Variants in SSC4D observed in about 807,000 individuals in gnomAD.
The protein encoded by SSC4D is scavenger receptor cysteine rich family member with 4 domains, also known as scavenger receptor cysteine-rich domain-containing group B protein.
SSC4D carries 57 observed loss-of-function variants against 63.4 expected under a neutral mutation model. The ratio of observed to expected loss-of-function variants is 0.90; its 90% confidence interval spans 0.73 to 1.12. SSC4D has a LOEUF of 1.12. Ranked by LOEUF, SSC4D falls within the 50% of genes most tolerant of loss-of-function variation. SSC4D has a pLI of 0.00. For synonymous variants in SSC4D, 352 were observed against 345.4 expected (o/e 1.02, Z -0.21); for missense variants, 791 against 806.4 (o/e 0.98, Z 0.23).
At chr7:76,409,126 G>A (rs1013406011) in intron 1 of SSC4D, among the ~76,000 whole-genome samples, 1 of 152,096 alleles carries the variant, frequency 6.6e-6, no homozygotes, top group Admixed American at 6.6e-5. Context: ...CCTTGAGGGT[G>A]GAAACCAGAT....
At position 76,403,625 on chromosome 7, in the gene SSC4D, C is replaced by T. The variant is rs547566523; in HGVS notation, c.133+682G>A. Among the ~76,000 whole-genome samples, 702 of 151,718 alleles carry T rather than the reference C, an allele frequency of 4.6e-3. 4 individuals are homozygous for T. Among genetic ancestry groups the T allele is most frequent in the South Asian group, 0.029 (140 of 4,804 alleles). On this transcript the variant is annotated intron_variant, in intron 2 of 10. Transcript: ENST00000275560. ...TGCTGGGATTACAGGCGACAGCCAC[C>T]GTGCCTGGCTGATTCAACTTATTCT...
chr7:76,391,593 C>G (rs1177536514), intron 10 of SSC4D, among the ~76,000 whole-genome samples: 1 of 152,064 alleles, frequency 6.6e-6, no homozygotes. Context: ...TACCCCAGCC[C>G]CAGGCCGGCT....
In SSC4D at chr7:76,393,601, G is replaced by A. The variant is rs767765332; in HGVS notation, c.1137C>T (p.Arg379=). The change falls in exon 9 of 11, where the codon CGC becomes CGT. Residue 379 remains arginine (R), a synonymous_variant. Coordinates refer to ENST00000275560, the MANE Select transcript of SSC4D (RefSeq NM_080744.2). ...CGCAGCCCGCTTCGCGGCAGGCCAC[G>A]CGCGCGTCCGCAAAGTCCCAGTCAT... The part of the protein sequence containing the change: ...CDDDWDFADA[R]VACREAGCGP... 2.5e-5 allele frequency: 38 copies of A among 1,504,866 alleles called. 1 individual carries two copies. The Middle Eastern group carries it at 5.3e-4, about 21-fold the overall frequency. The allele number at this position is 1,504,866 out of a possible 1,614,324, so 93.2% of individuals were successfully genotyped here. A position where few individuals can be genotyped will look rare whatever the true frequency, so the allele number is the denominator to read the frequency against.
At position 76,389,601 on chromosome 7, in the gene SSC4D, A is replaced by G; in HGVS notation, c.*458T>C. On this transcript the variant is annotated 3_prime_UTR_variant, in exon 11 of 11. Transcript: ENST00000275560. ...GACCCAGGTTCCTCTGCAGCCCCTG[A>G]GGGCCCAAGGTAGGAGCTGTAGGCC... 1 of 169,644 alleles carries G rather than the reference A, an allele frequency of 5.9e-6. No homozygotes were observed. 10.5% of individuals were successfully genotyped at this position (169,644 alleles called of 1,614,324 possible).
Position 76,392,044 on chromosome 7 carries a change from G to A in SSC4D, c.1334-3C>T. 1 of 1,565,846 alleles carries A rather than the reference G, an allele frequency of 6.4e-7. No homozygotes were observed. The highest frequency in any genetic ancestry group is 8.7e-7 in the Non-Finnish European group (1 of 1,154,554). On this transcript the variant is annotated splice_polypyrimidine_tract_variant and splice_region_variant and intron_variant, in intron 9 of 10. Transcript: ENST00000275560. Reference sequence around the variant, plus strand: ...TTGCAGTCCCAGCTCCTCTGGGCCTGGTTCAGGAAGGACAGAGATAAAGAG... The same window carrying A: ...TTGCAGTCCCAGCTCCTCTGGGCCTAGTTCAGGAAGGACAGAGATAAAGAG...
chr7:76,404,275 G>A, intron 2 of SSC4D, 32 bp downstream of exon 2: 4 of 1,518,406 alleles, frequency 2.6e-6, no homozygotes, highest in East Asian at 2.3e-5. Context: ...TCAGAAAGAG[G>A]AAGTGGCAAG....
intron 10 of SSC4D, among the ~76,000 whole-genome samples, chr7:76,391,550 G>GCT (rs1804494913): frequency 6.6e-6 from 1 of 152,118 alleles, no homozygotes; most frequent in Admixed American, 6.6e-5. Flanking sequence ...CTTCATGTCT[G>GCT]CTCTCTCTCT....
In SSC4D at chr7:76,406,463, T is replaced by A. The variant is rs564094856; in HGVS notation, c.-66-1958A>T. On this transcript the variant is annotated intron_variant, in intron 1 of 10. Coordinates refer to ENST00000275560, the MANE Select transcript of SSC4D (RefSeq NM_080744.2). ...TCCCTTTCAAATTAATTAATTAATT[T>A]TTTTTACTTTAAAGAATTTTTTTAT... Among the ~76,000 whole-genome samples the A allele has an allele frequency of 7.9e-5, 12 of 152,190 alleles. No homozygotes were observed. The East Asian group carries it at 1.9e-3, about 24-fold the overall frequency.
chr7:76,400,954 C>A, intron 3 of SSC4D, 54 bp downstream of exon 3: 2 of 1,550,062 alleles, frequency 1.3e-6, no homozygotes, highest in East Asian at 2.4e-5. Flanking sequence ...CTGTCTGAGG[C>A]TGGAGTACCT....
intron 1 of SSC4D, among the ~76,000 whole-genome samples, chr7:76,404,728 C>T (rs1379234266): frequency 2.6e-5 from 4 of 151,746 alleles, no homozygotes; most frequent in African/African-American, 4.8e-5. Flanking sequence ...CCCAGGAGAT[C>T]GAGATATAGC....
At position 76,397,567 on chromosome 7, in the gene SSC4D, C is replaced by A. The variant is rs367973598; in HGVS notation, c.819G>T (p.Trp273Cys). ...CGTGGTGGCCGCAGTTGTGCACACCCCAGCCCAGGCTCTGGCAGGCTGCCA... is the reference window on the plus strand; with the variant it reads ...CGTGGTGGCCGCAGTTGTGCACACCACAGCCCAGGCTCTGGCAGGCTGCCA... ...PRLAACQSLG[W>C]GVHNCGHHED... Residue 273 changes from tryptophan (W) to cysteine (C), a missense_variant, in exon 6 of 11, where the codon TGG (tryptophan) becomes TGT (cysteine). Physicochemically the swap from Trp to Cys is radical, Grantham distance 215. Coordinates refer to ENST00000275560, the MANE Select transcript of SSC4D (RefSeq NM_080744.2). 3 of 1,606,368 alleles carry A rather than the reference C, an allele frequency of 1.9e-6. No homozygotes were observed. The highest frequency in any genetic ancestry group is 2.2e-5 in the East Asian group (1 of 44,602).
chr7:76,401,598 G>A (rs1563684987), intron 2 of SSC4D, among the ~76,000 whole-genome samples: 1 of 152,054 alleles, frequency 6.6e-6, no homozygotes, highest in Non-Finnish European at 1.5e-5. Context: ...TGTATTTTTA[G>A]TAGAGATGGG....
chr7:76,406,784 GA>G (rs879441615), intron 1 of SSC4D, among the ~76,000 whole-genome samples: 1,721 of 139,090 alleles, frequency 0.012, 26 homozygotes, highest in African/African-American at 0.035. Context: ...TCCTAAATCA[GA>G]AAAAAAAAAA....
rs547068243 is a variant in SSC4D at position 76,397,850 on chromosome 7, G to A, written c.554-18C>T. The A allele has an allele frequency of 2.3e-5, 35 of 1,517,750 alleles. No homozygotes were observed. The African/African-American group carries it at 2.9e-4, about 13-fold the overall frequency. The allele number at this position is 1,517,750 out of a possible 1,614,324, so 94.0% of individuals were successfully genotyped here. ...GCCCTCACCTGGGGATGGGGGCGGG[G>A]GTCAGGGCGCATCTCCCACTGGCCT... On this transcript the variant is annotated intron_variant, in intron 5 of 10. Coordinates refer to ENST00000275560, the MANE Select transcript of SSC4D (RefSeq NM_080744.2).
chr7:76,391,207 G>C (rs1804487971), intron 10 of SSC4D, among the ~76,000 whole-genome samples: 1 of 152,064 alleles, frequency 6.6e-6, no homozygotes, highest in African/African-American at 2.4e-5. Context: ...GCCAAGGCTG[G>C]TGGATCACTT....
At chr7:76,392,984 C>T (rs979822038) in intron 9 of SSC4D, among the ~76,000 whole-genome samples, 1 of 152,230 alleles carries the variant, frequency 6.6e-6, no homozygotes, top group Non-Finnish European at 1.5e-5. Context: ...CCCCTTTCCA[C>T]TGACTCCGCC....
At position 76,407,400 on chromosome 7, in the gene SSC4D, C is replaced by T. The variant is rs554729118; in HGVS notation, c.-67+2014G>A. Among the ~76,000 whole-genome samples the T allele has an allele frequency of 5.2e-4, 79 of 151,706 alleles. 1 individual carries two copies. In the South Asian group the frequency reaches 0.016, roughly 31 times the overall value. ...AGGCTGGAGTGCAGTGGCACAATCT[C>T]GGCTCACTGCACCCTCCACCTTCCA... On this transcript the variant is annotated intron_variant, in intron 1 of 10. Coordinates refer to ENST00000275560, the MANE Select transcript of SSC4D (RefSeq NM_080744.2).
At chr7:76,398,521 T>C (rs1377012106) in intron 5 of SSC4D, among the ~76,000 whole-genome samples, 199 bp downstream of exon 5, 1 of 152,152 alleles carries the variant, frequency 6.6e-6, no homozygotes, top group Non-Finnish European at 1.5e-5. Flanking sequence ...GCCAGTCTGG[T>C]CTGGAGCTCC....
At position 76,389,986 on chromosome 7, in the gene SSC4D, G is replaced by C. The variant is rs747591852; in HGVS notation, c.*73C>G. On this transcript the variant is annotated 3_prime_UTR_variant, in exon 11 of 11. Coordinates refer to ENST00000275560, the MANE Select transcript of SSC4D (RefSeq NM_080744.2). ...GCAAAGTGAACTGTAGTCATCACAA[G>C]AGGAGGGCTTCCTGGAGGAGGAAGG... 2.5e-6 allele frequency: 4 copies of C among 1,590,028 alleles called. No homozygotes were observed. The Admixed American group carries it at 6.8e-5, about 27-fold the overall frequency.
Sources: allele counts gnomAD v4.1 joint callset (sites outside exome capture counted in the v4.1 genomes callset), GRCh38; gene constraint gnomAD v4.1.1; transcripts MANE v1.5; gene names NCBI Gene and HGNC (gene_info 2026-07-23, HGNC 2026-07-21).